BEST1: variants seen among roughly 807,000 people sequenced by gnomAD.
The protein encoded by BEST1 is bestrophin 1.
In BEST1, 58 loss-of-function variants were observed where a neutral mutation model predicts 63.3. The ratio of observed to expected loss-of-function variants is 0.92; its 90% confidence interval spans 0.74 to 1.14. The LOEUF (loss-of-function observed/expected upper bound fraction) is 1.14, where lower values mean the gene tolerates loss of function less well. Ranked by LOEUF, BEST1 falls within the 50% of genes most tolerant of loss-of-function variation. The pLI is 0.00. For missense variants in BEST1, 671 were observed against 740.1 expected (o/e 0.91, Z 1.08); for synonymous variants, 283 against 291.6 (o/e 0.97, Z 0.30).
chr11:61,963,906 G>A lies in BEST1; in HGVS notation c.1740-198G>A, dbSNP rs1942334216. ...TAGTCCCAACGCAGGAGGTTGAGGG[G>A]AGAATTGCTTGAACCCAGGAGGTGG... is the stretch of plus-strand genomic sequence containing the variant. On this transcript the variant is annotated intron_variant, in intron 10 of 10. Transcript: ENST00000378043. 2.2e-6 allele frequency: 3 copies of A among 1,379,538 alleles called. No individual in the cohort carries two copies. The South Asian group carries it at 4.4e-5, about 20-fold the overall frequency. The allele number at this position is 1,379,538 out of a possible 1,614,324, so 85.5% of individuals were successfully genotyped here. A position where few individuals can be genotyped will look rare whatever the true frequency, so the allele number is the denominator to read the frequency against.
At position 61,962,352 on chromosome 11, in the gene BEST1, G is replaced by A. The variant is rs767605874; in HGVS notation, c.1198G>A (p.Asp400Asn). Residue 400 changes from aspartate to asparagine, a missense_variant, in exon 10 of 11, where the codon GAT becomes AAT. Physicochemically the swap from Asp to Asn is conservative, Grantham distance 23. Transcript: ENST00000378043. ...CCGCTTCCTAGGCCTGCAGTCCCAT[G>A]ATCACCATCCTCCCAGGGCAAACTC... ...IGRFLGLQSH[D>N]HHPPRANSRT... The A allele has an allele frequency of 4.3e-6, 7 of 1,614,150 alleles. No homozygotes were observed. The South Asian group carries it at 7.7e-5, about 18-fold the overall frequency.
chr11:61,962,638 T>TA lies in BEST1; in HGVS notation c.1485dup (p.Asp496ArgfsTer19). ...TCAAAGCTTCACAGTGTCACAGGCA[T>TA]AGACACCAAAGACAAAAGCTTAAAG... is the stretch of plus-strand genomic sequence containing the variant. On this transcript the variant is annotated frameshift_variant, in exon 10 of 11. Coordinates refer to ENST00000378043, the MANE Select transcript of BEST1 (RefSeq NM_004183.4). LOFTEE classifies it high-confidence loss of function. The TA allele has an allele frequency of 6.2e-7, 1 of 1,614,148 alleles. No homozygotes were observed. Among genetic ancestry groups the TA allele is most frequent in the Non-Finnish European group, 8.5e-7 (1 of 1,180,032 alleles).
In BEST1 at chr11:61,962,811, A is replaced by G. The variant is rs775113722; in HGVS notation, c.1657A>G (p.Lys553Glu). The G allele has an allele frequency of 8.7e-6, 14 of 1,614,192 alleles. No homozygotes were observed. Among genetic ancestry groups the G allele is most frequent in the Non-Finnish European group, 1.2e-5 (14 of 1,180,030 alleles). ...GCCAGAGATCCCCGAAAATCACCTC[A>G]AAGAACCTTTGGAACAATCACCAAC... ...DMPEIPENHLKEPLEQSPTNI... is the reference protein window; with the variant it reads ...DMPEIPENHLEEPLEQSPTNI... Residue 553 changes from lysine to glutamate, a missense_variant, in exon 10 of 11, where the codon AAA becomes GAA. By Grantham distance (56) the Lys-to-Glu change is moderately conservative. Coordinates refer to ENST00000378043, the MANE Select transcript of BEST1 (RefSeq NM_004183.4).
rs983248760 is a variant in BEST1, at chr11:61,955,003, A to C, written c.153-104A>C. ...TGGGCTGGGGAAAATGTGGGATAGC[A>C]TCGAGGCAGTCCCACTCCTACCCAG... On this transcript the variant is annotated intron_variant, in intron 2 of 10. Coordinates refer to ENST00000378043, the MANE Select transcript of BEST1 (RefSeq NM_004183.4). 3.9e-6 allele frequency: 6 copies of C among 1,554,618 alleles called. No individual in the cohort carries two copies. The South Asian group carries it at 7.0e-5, about 18-fold the overall frequency.
chr11:61,949,865 G>C (rs972355), upstream of BEST1: 74,705 of 152,178 alleles, frequency 0.49, 21,299 homozygotes, highest in East Asian at 0.91. Context: ...ACCTACCCGG[G>C]GTCACCACAC....
chr11:61,964,264 T>G lies in BEST1; in HGVS notation c.*142T>G. On this transcript the variant is annotated 3_prime_UTR_variant, in exon 11 of 11. Coordinates refer to ENST00000378043, the MANE Select transcript of BEST1 (RefSeq NM_004183.4). ...AGCCTGAATCAAATGGTTAGCTTAA[T>G]AGATAAAAATCCCAGACTACTTCAG... The G allele has an allele frequency of 6.7e-7, 1 of 1,492,530 alleles. No homozygotes were observed. Among genetic ancestry groups the G allele is most frequent in the Non-Finnish European group, 9.0e-7 (1 of 1,110,182 alleles). 92.5% of individuals were successfully genotyped at this position (1,492,530 alleles called of 1,614,324 possible). A position where few individuals can be genotyped will look rare whatever the true frequency, so the allele number is the denominator to read the frequency against.
Position 61,964,320 on chromosome 11 carries a change from G to A in BEST1, c.*198G>A, listed in dbSNP as rs1262746042. 6.5e-6 allele frequency: 7 copies of A among 1,070,454 alleles called. No individual in the cohort carries two copies. The highest frequency in any genetic ancestry group is 9.2e-6 in the Non-Finnish European group (7 of 758,082). The allele number at this position is 1,070,454 out of a possible 1,614,324, so 66.3% of individuals were successfully genotyped here. ...AATGCCTTTTATTCATAAAAACTGT[G>A]AAAGCTAGACTGAACCATTGGAAAC... On this transcript the variant is annotated 3_prime_UTR_variant, in exon 11 of 11. Transcript: ENST00000378043.
rs1942168093 is a variant in BEST1, at chr11:61,962,462, T to C, written c.1308T>C (p.Val436=). 1 of 1,614,034 alleles carries C rather than the reference T, an allele frequency of 6.2e-7. No homozygotes were observed. ...ACCACAAGGCAGCCAAACAGAACGT[T>C]AGGGGCCAGGAAGACAACAAGGCCT... ...PKNHKAAKQN[V]RGQEDNKAWK... The change falls in exon 10 of 11, where the codon GTT becomes GTC. Residue 436 remains valine, a synonymous_variant. Transcript: ENST00000378043.
chr11:61,961,425 C>G (rs1284451562), intron 9 of BEST1: 1 of 152,344 alleles, frequency 6.6e-6, no homozygotes, highest in South Asian at 2.1e-4. Flanking sequence ...AGGCTGGAGG[C>G]TTGCTTAGGT....
chr11:61,964,001 A>C, intron 10 of BEST1, 103 bp from the exon 11 acceptor site: 1 of 1,537,606 alleles, frequency 6.5e-7, no homozygotes, highest in Non-Finnish European at 8.7e-7. Context: ...AAAAAAAAAA[A>C]AAAAAGGATC....
rs779864567 is a variant in BEST1 at position 61,959,492 on chromosome 11, C to T, written c.868-6C>T. ...GAGGGTTTACAGAGCCTCACCTGTC[C>T]CCAAGGTGGCAGAGCAGCTCATCAA... is the stretch of plus-strand genomic sequence containing the variant. On this transcript the variant is annotated splice_polypyrimidine_tract_variant and splice_region_variant and intron_variant, in intron 7 of 10. Coordinates refer to ENST00000378043, the MANE Select transcript of BEST1 (RefSeq NM_004183.4). The T allele has an allele frequency of 1.9e-6, 3 of 1,614,054 alleles. No individual in the cohort carries two copies. Among genetic ancestry groups the T allele is most frequent in the Non-Finnish European group, 1.7e-6 (2 of 1,179,942 alleles).
At position 61,964,325 on chromosome 11, in the gene BEST1, C is replaced by A; in HGVS notation, c.*203C>A. ...CTTTTATTCATAAAAACTGTGAAAG[C>A]TAGACTGAACCATTGGAAACATTTA... On this transcript the variant is annotated 3_prime_UTR_variant, in exon 11 of 11. Coordinates refer to ENST00000378043, the MANE Select transcript of BEST1 (RefSeq NM_004183.4). 1.0e-6 allele frequency: 1 copy of A among 1,003,140 alleles called. No individual in the cohort carries two copies. Among genetic ancestry groups the A allele is most frequent in the Non-Finnish European group, 1.4e-6 (1 of 700,074 alleles). 62.1% of individuals were successfully genotyped at this position (1,003,140 alleles called of 1,614,324 possible).
chr11:61,951,600 C>A (rs113290689), intron 1 of BEST1, among the ~76,000 whole-genome samples, 171 bp from the exon 2 acceptor site: 4 of 152,316 alleles, frequency 2.6e-5, no homozygotes, highest in Non-Finnish European at 5.9e-5. Flanking sequence ...CACTTTCTTG[C>A]GTTTCTACTT....
In BEST1 at chr11:61,962,805, C is replaced by A. The variant is rs1265606993; in HGVS notation, c.1651C>A (p.His551Asn). 6.2e-7 allele frequency: 1 copy of A among 1,614,206 alleles called. No homozygotes were observed. Among genetic ancestry groups the A allele is most frequent in the Non-Finnish European group, 8.5e-7 (1 of 1,180,046 alleles). ...GGATATGCCAGAGATCCCCGAAAAT[C>A]ACCTCAAAGAACCTTTGGAACAATC... ...LTDMPEIPEN[H>N]LKEPLEQSPT... is the part of the protein sequence containing the mutation. The change falls in exon 10 of 11, where the codon CAC becomes AAC. Residue 551 changes from histidine (H) to asparagine (N), a missense_variant. By Grantham distance (68) the His-to-Asn change is moderately conservative. Coordinates refer to ENST00000378043, the MANE Select transcript of BEST1 (RefSeq NM_004183.4).
At position 61,950,756 on chromosome 11, in the gene BEST1, T is replaced by C. The variant is rs73493205; in HGVS notation, c.-37+329T>C. On this transcript the variant is annotated intron_variant, in intron 1 of 10. Coordinates refer to ENST00000378043, the MANE Select transcript of BEST1 (RefSeq NM_004183.4). ...AGGAAACAGGCAGGAAACAGGCAGATATCCTGTATAATTTCAAGTAGTGAT... is the reference window on the plus strand; with the variant it reads ...AGGAAACAGGCAGGAAACAGGCAGACATCCTGTATAATTTCAAGTAGTGAT... 0.011 allele frequency among the ~76,000 whole-genome samples: 1,682 copies of C among 152,294 alleles called. 33 individuals are homozygous for C. The highest frequency in any genetic ancestry group is 0.038 in the African/African-American group (1,593 of 41,546).
Position 61,955,772 on chromosome 11 carries a change from C to T in BEST1, c.302C>T (p.Pro101Leu), listed in dbSNP as rs374517178. 1.5e-5 allele frequency: 24 copies of T among 1,549,518 alleles called. No homozygotes were observed. Among genetic ancestry groups the T allele is most frequent in the African/African-American group, 1.4e-5 (1 of 73,046 alleles). ...TRWWNQYENL[P>L]WPDRLMSLVS... ...TGGTGGAACCAGTACGAGAACCTGC[C>T]GTGGCCCGACCGCCTCATGAGCCTG... The change falls in exon 4 of 11, where the codon CCG becomes CTG. Residue 101 changes from proline (P) to leucine (L), a missense_variant. Pro to Leu is a moderately conservative substitution (Grantham distance 98, BLOSUM62 -3). Coordinates refer to ENST00000378043, the MANE Select transcript of BEST1 (RefSeq NM_004183.4).
chr11:61,958,104 C>T, intron 6 of BEST1, 42 bp from the exon 7 acceptor site: 1 of 1,606,064 alleles, frequency 6.2e-7, no homozygotes, highest in Non-Finnish European at 8.5e-7. Flanking sequence ...TTTCAGGGTT[C>T]CCACCTAGCC....
rs781235735 is a variant in BEST1, at chr11:61,962,669, G to A, written c.1515G>A (p.Val505=). 1.2e-6 allele frequency: 2 copies of A among 1,614,218 alleles called. No individual in the cohort carries two copies. Among genetic ancestry groups the A allele is most frequent in the East Asian group, 4.5e-5 (2 of 44,886 alleles). ...CCAAAGACAAAAGCTTAAAGACTGTGAGTTCTGGGGCCAAGAAAAGTTTTG... is the reference window on the plus strand; with the variant it reads ...CCAAAGACAAAAGCTTAAAGACTGTAAGTTCTGGGGCCAAGAAAAGTTTTG... ...IDTKDKSLKT[V]SSGAKKSFEL... Residue 505 remains valine, a synonymous_variant, in exon 10 of 11, where the codon GTG becomes GTA. Transcript: ENST00000378043.
chr11:61,965,387 G>A, downstream of BEST1: 1 of 1,613,404 alleles, frequency 6.2e-7, no homozygotes, highest in East Asian at 2.2e-5. Flanking sequence ...CCTGAAGGAA[G>A]ATTCGGCCAC....
Sources: gnomAD v4.1 joint callset for allele counts (sites outside exome capture counted in the v4.1 genomes callset) on GRCh38, gnomAD v4.1.1 for gene constraint, MANE v1.5 for transcripts, NCBI Gene and HGNC (gene_info 2026-07-23, HGNC 2026-07-21) for gene names.